Variants in SYNE2 observed in about 807,000 individuals in gnomAD.
The protein encoded by SYNE2 is spectrin repeat containing nuclear envelope protein 2.
In SYNE2, 431 loss-of-function variants were observed where a neutral mutation model predicts 856.3. The observed-to-expected ratio is 0.50, with a 90% confidence interval of 0.47 to 0.55. SYNE2 has a LOEUF of 0.55. Ranked by LOEUF, SYNE2 falls within the 20% of genes least tolerant of loss-of-function variation. The pLI is 0.00. For missense variants in SYNE2, 8,129 were observed against 8,023.2 expected, an observed-to-expected ratio of 1.01 and a Z score of -0.50; for synonymous variants, 2,923 against 2,872.3, an observed-to-expected ratio of 1.02 and a Z score of -0.56.
rs1436839697 is a variant in SYNE2 at position 64,190,100 on chromosome 14, T to C, written c.17901T>C (p.Ser5967=). The change falls in exon 99 of 116, where the codon AGT becomes AGC. Residue 5967 remains serine (S), a synonymous_variant. Coordinates refer to ENST00000555002, the MANE Select transcript of SYNE2 (RefSeq NM_182914.3). ...KDCMEEINLF[S]ENKLQLKQMG... ...GCATGGAAGAAATAAACTTGTTTAG[T>C]GAAAACAAGTTACAGTTAAAGCAGA... is the stretch of plus-strand genomic sequence containing the variant. 1 of 1,614,102 alleles carries C rather than the reference T, an allele frequency of 6.2e-7. No homozygotes were observed. Among genetic ancestry groups the C allele is most frequent in the South Asian group, 1.1e-5 (1 of 91,084 alleles).
chr14:63,824,394 T>G (rs879638622), intron 1 of SYNE2, among the ~76,000 whole-genome samples: 5 of 152,084 alleles, frequency 3.3e-5, no homozygotes, highest in African/African-American at 4.8e-5. Flanking sequence ...ATACCAGCAC[T>G]TTGGGAGGCC....
chr14:64,188,674 T>G lies in SYNE2; in HGVS notation c.17837T>G (p.Ile5946Ser). 6.2e-7 allele frequency: 1 copy of G among 1,614,052 alleles called. No individual in the cohort carries two copies. The highest frequency in any genetic ancestry group is 8.5e-7 in the Non-Finnish European group (1 of 1,180,000). Reference sequence around the variant, plus strand: ...AACAAAGTTCTACAGACAGCGGACATTAGTATTGAAGAAATGATTGAAAAG... The same window carrying G: ...AACAAAGTTCTACAGACAGCGGACAGTAGTATTGAAGAAATGATTGAAAAG... ...MENKVLQTAD[I>S]SIEEMIEKLQ... The change falls in exon 98 of 116, where the codon ATT becomes AGT. Residue 5946 changes from isoleucine to serine, a missense_variant. Physicochemically the swap from Ile to Ser is moderately radical, Grantham distance 142. Coordinates refer to ENST00000555002, the MANE Select transcript of SYNE2 (RefSeq NM_182914.3).
chr14:63,990,462 G>C lies in SYNE2; in HGVS notation c.2365G>C (p.Asp789His). 6.2e-7 allele frequency: 1 copy of C among 1,613,708 alleles called. No homozygotes were observed. Among genetic ancestry groups the C allele is most frequent in the Non-Finnish European group, 8.5e-7 (1 of 1,179,936 alleles). ...MFDELMARSEDMLQMDIQNIS... is the reference protein window; with the variant it reads ...MFDELMARSEHMLQMDIQNIS... ...TGATGAGCTTATGGCAAGAAGTGAA[G>C]ATATGTTACAAATGGATATACAAAA... Residue 789 changes from aspartate to histidine, a missense_variant, in exon 20 of 116, where the codon GAT becomes CAT. Physicochemically the swap from Asp to His is moderately conservative, Grantham distance 81 (BLOSUM62 -1). Transcript: ENST00000555002.
At chr14:64,189,442 T>C (rs1449643947) in intron 98 of SYNE2, among the ~76,000 whole-genome samples, 3 of 152,140 alleles carry the variant, frequency 2.0e-5, no homozygotes, top group African/African-American at 7.2e-5. Context: ...ATAACATTCT[T>C]GCTGTAGTCA....
chr14:64,221,535 G>A, intron 111 of SYNE2, 41 bp from the exon 112 acceptor site: 1 of 1,614,158 alleles, frequency 6.2e-7, no homozygotes, highest in Non-Finnish European at 8.5e-7. Context: ...CTCTTCCAGG[G>A]CTCTAAGACA....
intron 87 of SYNE2, among the ~76,000 whole-genome samples, chr14:64,160,229 T>C (rs1228953245): frequency 1.3e-5 from 2 of 152,166 alleles, no homozygotes; most frequent in African/African-American, 2.4e-5. Flanking sequence ...CCACATACAA[T>C]ATCAGGGCTA....
At chr14:64,111,387 A>G (rs1595592157) in intron 65 of SYNE2, among the ~76,000 whole-genome samples, 2 of 152,196 alleles carry the variant, frequency 1.3e-5, no homozygotes, top group East Asian at 1.9e-4. Context: ...CTTTGTCTGT[A>G]GCAATATCTG....
At chr14:64,176,745 A>G (rs916906861) in intron 95 of SYNE2, among the ~76,000 whole-genome samples, 1 of 152,090 alleles carries the variant, frequency 6.6e-6, no homozygotes, top group African/African-American at 2.4e-5. Flanking sequence ...TGGTTAGATG[A>G]GAGGGATTGG....
At chr14:64,076,490 T>C (rs543670715) in intron 54 of SYNE2, among the ~76,000 whole-genome samples, 1 of 152,308 alleles carries the variant, frequency 6.6e-6, no homozygotes, top group South Asian at 2.1e-4. Flanking sequence ...GCAATAAGAA[T>C]ACAAATTTCA....
intron 45 of SYNE2, among the ~76,000 whole-genome samples, chr14:64,037,178 G>A (rs1470517657): frequency 6.6e-6 from 1 of 151,194 alleles, no homozygotes; most frequent in African/African-American, 2.4e-5. Flanking sequence ...GTTTCTCGCA[G>A]AGGGGGATTT....
chr14:64,017,354 GAAATT>G (rs1284971534), intron 33 of SYNE2, among the ~76,000 whole-genome samples: 8 of 99,254 alleles, frequency 8.1e-5, no homozygotes, highest in Non-Finnish European at 1.5e-4. Context: ...AAAAAAAAAA[GAAATT>G]AGGAAGACTA....
In SYNE2 at chr14:64,167,669, C is replaced by G. The variant is rs563181344; in HGVS notation, c.16905+30C>G. On this transcript the variant is annotated intron_variant, in intron 92 of 115. Coordinates refer to ENST00000555002, the MANE Select transcript of SYNE2 (RefSeq NM_182914.3). Reference sequence around the variant, plus strand: ...ACCTGTGTTCTCTGCCACCCTTGAACCGCTCATCTGGGGCAGGAGTCAGGG... The same window carrying G: ...ACCTGTGTTCTCTGCCACCCTTGAAGCGCTCATCTGGGGCAGGAGTCAGGG... 2.5e-6 allele frequency: 4 copies of G among 1,614,002 alleles called. No homozygotes were observed. The South Asian group carries it at 4.4e-5, about 18-fold the overall frequency.
intron 2 of SYNE2, among the ~76,000 whole-genome samples, chr14:63,930,410 T>G (rs2095734937): frequency 6.6e-6 from 1 of 152,140 alleles, no homozygotes; most frequent in Admixed American, 6.6e-5. Context: ...AAAAAAATTC[T>G]CCAAAGTGTA....
At chr14:64,144,786 A>G (rs1567450157) in intron 83 of SYNE2, among the ~76,000 whole-genome samples, 1 of 152,186 alleles carries the variant, frequency 6.6e-6, no homozygotes, top group Non-Finnish European at 1.5e-5. Flanking sequence ...ATAGTCCTTC[A>G]AAAAAGTAAA....
rs559551871 is a variant in SYNE2 at position 64,090,347 on chromosome 14, G to A, written c.11794-519G>A. On this transcript the variant is annotated intron_variant, in intron 59 of 115. Transcript: ENST00000555002. The stretch of plus-strand genomic sequence containing the variant: ...TATTATATGAGATATGACTTAGTAC[G>A]GTGAGTAATCTCTTCTAATGTATTG... Among the ~76,000 whole-genome samples, 318 of 152,200 alleles carry A rather than the reference G, an allele frequency of 2.1e-3. 2 individuals carry two copies. Among genetic ancestry groups the A allele is most frequent in the African/African-American group, 7.5e-3 (311 of 41,526 alleles).
chr14:63,761,876 C>A, upstream of SYNE2: 1 of 218,384 alleles, frequency 4.6e-6, no homozygotes, highest in South Asian at 5.9e-5. Context: ...GCGTGTAAAC[C>A]AGCCCGAGCG....
intron 30 of SYNE2, among the ~76,000 whole-genome samples, chr14:64,003,947 A>G (rs1450170827): frequency 6.6e-6 from 1 of 152,180 alleles, no homozygotes; most frequent in Non-Finnish European, 1.5e-5. Flanking sequence ...TTCAGATTCC[A>G]AAAGCTAAAA....
At chr14:64,183,235 C>T (rs2153742024) in intron 96 of SYNE2, among the ~76,000 whole-genome samples, 1 of 151,344 alleles carries the variant, frequency 6.6e-6, no homozygotes. Flanking sequence ...CCTCACTTCT[C>T]AGACGGGGCG....
rs777222532 is a variant in SYNE2, at chr14:64,177,499, C to T, written c.17556+16C>T. ...GCTGATTAAGGTATTGAAATCCAAA[C>T]AAGTGGCCAAGATAATCACTTAGCT... On this transcript the variant is annotated intron_variant, in intron 96 of 115. Coordinates refer to ENST00000555002, the MANE Select transcript of SYNE2 (RefSeq NM_182914.3). 9.9e-6 allele frequency: 16 copies of T among 1,614,044 alleles called. No homozygotes were observed. The highest frequency in any genetic ancestry group is 1.3e-5 in the Non-Finnish European group (15 of 1,180,026).
Sources: allele counts gnomAD v4.1 joint callset (sites outside exome capture counted in the v4.1 genomes callset), GRCh38; gene constraint gnomAD v4.1.1; transcripts MANE v1.5; gene names NCBI Gene and HGNC (gene_info 2026-07-23, HGNC 2026-07-21).